Variants in PPP1R12C observed in about 807,000 individuals in gnomAD.
PPP1R12C encodes the protein leukocyte receptor cluster (LRC) encoded novel gene 3.
A neutral mutation model predicts 95.6 loss-of-function variants in PPP1R12C; 48 were observed. The ratio of observed to expected loss-of-function variants is 0.50; its 90% CI spans 0.40 to 0.64. The LOEUF (loss-of-function observed/expected upper bound fraction) is 0.64. PPP1R12C is among the 30% of genes least tolerant of loss of function. PPP1R12C has a pLI of 0.00. For synonymous variants in PPP1R12C, 480 were observed against 460.8 expected (o/e 1.04, Z -0.53); for missense variants, 1,057 against 1,083.3 (o/e 0.98, Z 0.34).
At chr19:55,095,181 G>C in intron 11 of PPP1R12C, 110 bp downstream of exon 11, 3 of 1,244,852 alleles carry the variant, frequency 2.4e-6, no homozygotes, top group Non-Finnish European at 2.3e-6. Context: ...CTGGAGTGGC[G>C]GCAGGAACCA....
intron 3 of PPP1R12C, among the ~76,000 whole-genome samples, chr19:55,107,891 G>A (rs183808437): frequency 6.7e-6 from 1 of 149,674 alleles, no homozygotes; most frequent in East Asian, 1.9e-4. Flanking sequence ...CCATCTCAGA[G>A]TGAAAAAAAT....
At chr19:55,102,196 T>C (rs2084986775) in intron 4 of PPP1R12C, among the ~76,000 whole-genome samples, 1 of 152,166 alleles carries the variant, frequency 6.6e-6, no homozygotes, top group African/African-American at 2.4e-5. Context: ...AGAAAGGGAA[T>C]GTGTACTAGA....
intron 17 of PPP1R12C, 32 bp from the exon 18 acceptor site, chr19:55,092,576 C>T (rs751897569): frequency 3.2e-6 from 5 of 1,565,968 alleles, no homozygotes; most frequent in East Asian, 2.3e-5. Context: ...CGTCAGGGGC[C>T]GGCCCGGCCC....
intron 4 of PPP1R12C, among the ~76,000 whole-genome samples, chr19:55,101,620 G>A (rs2084980173): frequency 6.6e-6 from 1 of 152,246 alleles, no homozygotes; most frequent in African/African-American, 2.4e-5. Flanking sequence ...GCAGTGGCAG[G>A]AGATGAAGCC....
chr19:55,107,887 C>T (rs1358309234), intron 3 of PPP1R12C, among the ~76,000 whole-genome samples: 1 of 149,208 alleles, frequency 6.7e-6, no homozygotes, highest in Non-Finnish European at 1.5e-5. Context: ...AACTCCATCT[C>T]AGAGTGAAAA....
chr19:55,092,957 A>C (rs889075653), intron 15 of PPP1R12C, 59 bp downstream of exon 15: 109 of 1,567,642 alleles, frequency 7.0e-5, no homozygotes, highest in Admixed American at 1.5e-4. Flanking sequence ...GAAAGCAAGA[A>C]GACTATGGGA....
At chr19:55,092,363 G>A (rs1197814325) in intron 18 of PPP1R12C, 37 bp from the exon 19 acceptor site, 8 of 1,570,836 alleles carry the variant, frequency 5.1e-6, no homozygotes, top group Non-Finnish European at 6.9e-6. Flanking sequence ...GTGGAGGATG[G>A]GGCGATGCTG....
chr19:55,095,098 TA>T, intron 11 of PPP1R12C, 192 bp downstream of exon 11: 1 of 721,806 alleles, frequency 1.4e-6, no homozygotes, highest in Non-Finnish European at 2.3e-6. Flanking sequence ...GGGGGGAAGA[TA>T]GGGGAGAAGG....
intron 3 of PPP1R12C, among the ~76,000 whole-genome samples, chr19:55,105,741 T>TAGGGAGCAACA: frequency 6.6e-6 from 1 of 152,052 alleles, no homozygotes; most frequent in Admixed American, 6.6e-5. Context: ...AGCCCACTAG[T>TAGGGAGCAACA]TTGAGAACAG....
chr19:55,099,578 C>G (rs2084959523), intron 4 of PPP1R12C, among the ~76,000 whole-genome samples: 1 of 152,118 alleles, frequency 6.6e-6, no homozygotes, highest in African/African-American at 2.4e-5. Context: ...CCCGGCAGGT[C>G]TGCAGACATC....
intron 4 of PPP1R12C, among the ~76,000 whole-genome samples, chr19:55,099,326 G>A (rs2147191367): frequency 6.6e-6 from 1 of 152,346 alleles, no homozygotes; most frequent in Non-Finnish European, 1.5e-5. Context: ...CCCTGCAGGT[G>A]GCCTCTGGAA....
Position 55,094,815 on chromosome 19 carries a change from A to G in PPP1R12C, c.1455-17T>C. 2 of 1,578,412 alleles carry G rather than the reference A, an allele frequency of 1.3e-6. No individual in the cohort carries two copies. The highest frequency in any genetic ancestry group is 8.6e-7 in the Non-Finnish European group (1 of 1,165,546). ...ACCTCAGACCTGCATCAATTCATTC[A>G]TTCCACAAACATTACCCAGGTGCAT... On this transcript the variant is annotated splice_polypyrimidine_tract_variant and intron_variant, in intron 11 of 21. Coordinates refer to ENST00000263433, the MANE Select transcript of PPP1R12C (RefSeq NM_017607.4).
chr19:55,094,551 C>G (rs1293513803), intron 12 of PPP1R12C, 110 bp downstream of exon 12: 4 of 1,555,568 alleles, frequency 2.6e-6, no homozygotes, highest in African/African-American at 2.7e-5. Flanking sequence ...CCCAGCAGAC[C>G]TGAGGCCAGC....
At chr19:55,112,435 C>T (rs559346687) in intron 3 of PPP1R12C, 32 bp downstream of exon 3, 8 of 1,582,542 alleles carry the variant, frequency 5.1e-6, no homozygotes, top group Non-Finnish European at 6.9e-6. Context: ...AGGAGGTGTC[C>T]CCCACCCCAC....
chr19:55,095,996 A>G, intron 8 of PPP1R12C, 55 bp downstream of exon 8: 1 of 1,607,806 alleles, frequency 6.2e-7, no homozygotes, highest in Non-Finnish European at 8.5e-7. Context: ...CTCTAGATTC[A>G]GAGAACCCGA....
chr19:55,095,947 T>C lies in PPP1R12C; in HGVS notation c.1154-7A>G, dbSNP rs1419579411. 1.2e-6 allele frequency: 2 copies of C among 1,612,174 alleles called. No homozygotes were observed. The highest frequency in any genetic ancestry group is 2.2e-5 in the South Asian group (2 of 91,014). ...GGTTCTGCAGGGGGTGGTTCTGTGA[T>C]GTGGGAACACCGGGCAGGTCACAGA... On this transcript the variant is annotated splice_region_variant and splice_polypyrimidine_tract_variant and intron_variant, in intron 8 of 21. Transcript: ENST00000263433.
At position 55,093,245 on chromosome 19, in the gene PPP1R12C, A is replaced by G. The variant is rs1243796619; in HGVS notation, c.1684-12T>C. On this transcript the variant is annotated splice_polypyrimidine_tract_variant and intron_variant, in intron 13 of 21. Transcript: ENST00000263433. Reference sequence around the variant, plus strand: ...GTAAGAGTCACACCCTGGCAGGGAAAGGGGACAGTCAGGGGACGCTGGGGT... The same window carrying G: ...GTAAGAGTCACACCCTGGCAGGGAAGGGGGACAGTCAGGGGACGCTGGGGT... The G allele has an allele frequency of 6.2e-7, 1 of 1,611,068 alleles. No individual in the cohort carries two copies. The highest frequency in any genetic ancestry group is 1.1e-5 in the South Asian group (1 of 90,788).
At chr19:55,107,923 A>G (rs952523678) in intron 3 of PPP1R12C, among the ~76,000 whole-genome samples, 1 of 149,448 alleles carries the variant, frequency 6.7e-6, no homozygotes, top group Non-Finnish European at 1.5e-5. Context: ...CACACAGTAT[A>G]AAATTTACCA....
Position 55,092,261 on chromosome 19 carries a change from C to A in PPP1R12C, c.2121G>T (p.Arg707=). ...LREALTETTL[R]LAQLKVELER... Reference sequence around the variant, plus strand: ...CCAGCTCCACCTTGAGCTGCGCCAGCCGCAGCGTGGTCTCGGTCAGGGCCT... The same window carrying A: ...CCAGCTCCACCTTGAGCTGCGCCAGACGCAGCGTGGTCTCGGTCAGGGCCT... Residue 707 remains arginine, a synonymous_variant, in exon 19 of 22, where the codon CGG becomes CGT. Transcript: ENST00000263433. 1 of 1,597,040 alleles carries A rather than the reference C, an allele frequency of 6.3e-7. No individual in the cohort carries two copies. Among genetic ancestry groups the A allele is most frequent in the South Asian group, 1.1e-5 (1 of 88,666 alleles).
Sources: gnomAD v4.1 joint callset for allele counts (sites outside exome capture counted in the v4.1 genomes callset) on GRCh38, gnomAD v4.1.1 for gene constraint, MANE v1.5 for transcripts, NCBI Gene and HGNC (gene_info 2026-07-23, HGNC 2026-07-21) for gene names.